Variants in CDC42BPB observed in about 807,000 individuals in gnomAD.
CDC42BPB encodes the protein serine/threonine-protein kinase MRCK beta.
Under a neutral mutation model 214.9 loss-of-function variants are expected in CDC42BPB, and 37 were observed. That is an observed-to-expected ratio of 0.17 (90% CI 0.13 to 0.23). CDC42BPB has a LOEUF of 0.23. Ranked by LOEUF, CDC42BPB falls within the 10% of genes least tolerant of loss-of-function variation. CDC42BPB has a pLI of 1.00. For missense variants in CDC42BPB, 1,694 were observed against 2,227.0 expected (o/e 0.76, Z 4.82); for synonymous variants, 931 against 884.0 (o/e 1.05, Z -0.94).
At chr14:102,988,244 G>A (rs1336505712) in intron 5 of CDC42BPB, among the ~76,000 whole-genome samples, 1 of 151,968 alleles carries the variant, frequency 6.6e-6, no homozygotes, top group Admixed American at 6.6e-5. Flanking sequence ...AGGCTAAAGT[G>A]GGAGACAGGC....
intron 5 of CDC42BPB, among the ~76,000 whole-genome samples, chr14:102,995,341 A>T (rs771325541): frequency 6.6e-6 from 1 of 152,030 alleles, no homozygotes; most frequent in East Asian, 1.9e-4. Flanking sequence ...AGCCTGGCTA[A>T]TTTTTTGTAT....
rs1427207734 is a variant in CDC42BPB, at chr14:102,978,219, T to C, written c.1141-14A>G. On this transcript the variant is annotated splice_polypyrimidine_tract_variant and intron_variant, in intron 8 of 36. Transcript: ENST00000361246. ...AGGTAATATTTCCTGCATAAGAACATATACAACACAAATGAAATCTACATT... is the reference window on the plus strand; with the variant it reads ...AGGTAATATTTCCTGCATAAGAACACATACAACACAAATGAAATCTACATT... 5 of 1,608,990 alleles carry C rather than the reference T, an allele frequency of 3.1e-6. No homozygotes were observed. Among genetic ancestry groups the C allele is most frequent in the African/African-American group, 1.3e-5 (1 of 74,808 alleles).
In CDC42BPB at chr14:102,940,220, G is replaced by A. The variant is rs777228421; in HGVS notation, c.4506+7C>T. 10 of 1,604,348 alleles carry A rather than the reference G, an allele frequency of 6.2e-6. No homozygotes were observed. The highest frequency in any genetic ancestry group is 5.2e-5 in the Admixed American group (3 of 58,108). ...GCCCGCACAGGAGGGCACCGAGGCCGCCTTACCCTCCGCAGGCCGATGGTC... is the reference window on the plus strand; with the variant it reads ...GCCCGCACAGGAGGGCACCGAGGCCACCTTACCCTCCGCAGGCCGATGGTC... On this transcript the variant is annotated splice_region_variant and intron_variant, in intron 31 of 36. Coordinates refer to ENST00000361246, the MANE Select transcript of CDC42BPB (RefSeq NM_006035.4).
chr14:103,010,797 T>C (rs1026920443), intron 2 of CDC42BPB, among the ~76,000 whole-genome samples: 1 of 152,156 alleles, frequency 6.6e-6, no homozygotes, highest in Non-Finnish European at 1.5e-5. Flanking sequence ...TTTGGGAGGC[T>C]GAGATGGGCG....
At chr14:103,055,904 C>A (rs1888920591) in intron 1 of CDC42BPB, among the ~76,000 whole-genome samples, 1 of 152,200 alleles carries the variant, frequency 6.6e-6, no homozygotes, top group African/African-American at 2.4e-5. Flanking sequence ...AGTCCTAGCC[C>A]AGTGACGCAA....
At chr14:103,010,475 A>AG (rs1051198599) in intron 2 of CDC42BPB, among the ~76,000 whole-genome samples, 3 of 152,092 alleles carry the variant, frequency 2.0e-5, no homozygotes, top group Non-Finnish European at 4.4e-5. Context: ...GTGCTGCGAG[A>AG]GGGGGGCTAT....
chr14:102,938,063 G>A lies in CDC42BPB; in HGVS notation c.5004+41C>T. Reference sequence around the variant, plus strand: ...TTCGGGCTGCTTTTCCTCCTGCAGTGGTGGCTCATAGCCTCAGCACTGGAC... The same window carrying A: ...TTCGGGCTGCTTTTCCTCCTGCAGTAGTGGCTCATAGCCTCAGCACTGGAC... On this transcript the variant is annotated intron_variant, in intron 36 of 36. Transcript: ENST00000361246. The A allele has an allele frequency of 1.9e-6, 3 of 1,600,196 alleles. No homozygotes were observed. In the South Asian group the frequency reaches 3.3e-5, roughly 18 times the overall value.
At chr14:102,985,255 G>A (rs898901534) in intron 6 of CDC42BPB, among the ~76,000 whole-genome samples, 2 of 150,144 alleles carry the variant, frequency 1.3e-5, no homozygotes, top group Non-Finnish European at 3.0e-5. Flanking sequence ...GTGGAGGTGA[G>A]GAGGGTAACC....
intron 34 of CDC42BPB, among the ~76,000 whole-genome samples, chr14:102,939,092 A>C (rs1326704546): frequency 2.0e-5 from 3 of 151,794 alleles, no homozygotes; most frequent in Admixed American, 1.3e-4. Context: ...ACCTGCCGCC[A>C]CACCCAGCTA....
At chr14:102,953,927 A>G (rs748728127) in intron 23 of CDC42BPB, among the ~76,000 whole-genome samples, 5 of 152,200 alleles carry the variant, frequency 3.3e-5, no homozygotes, top group Non-Finnish European at 7.3e-5. Context: ...GGAATGAGAG[A>G]AGGAGAGTGG....
chr14:102,992,586 T>A (rs2139565961), intron 5 of CDC42BPB, among the ~76,000 whole-genome samples: 1 of 152,218 alleles, frequency 6.6e-6, no homozygotes, highest in Middle Eastern at 3.4e-3. Context: ...CGTCACACGC[T>A]GCAATAACCT....
intron 5 of CDC42BPB, 105 bp from the exon 6 acceptor site, chr14:102,986,685 T>C: frequency 1.4e-6 from 2 of 1,471,788 alleles, no homozygotes; most frequent in Non-Finnish European, 9.0e-7. Flanking sequence ...TAATATCCTC[T>C]TGTGAACAGC....
intron 36 of CDC42BPB, among the ~76,000 whole-genome samples, chr14:102,934,468 A>G (rs955859731): frequency 6.6e-6 from 1 of 152,112 alleles, no homozygotes; most frequent in African/African-American, 2.4e-5. Flanking sequence ...CGGGAGGCGG[A>G]GCTTGCAGTG....
rs535636475 is a variant in CDC42BPB at position 102,943,778 on chromosome 14, C to G, written c.4408+113G>C. 8.3e-4 allele frequency: 773 copies of G among 932,308 alleles called. 6 individuals are homozygous for G. The African/African-American group carries it at 0.011, about 14-fold the overall frequency. 57.8% of individuals were successfully genotyped at this position (932,308 alleles called of 1,614,324 possible). On this transcript the variant is annotated intron_variant, in intron 30 of 36. Coordinates refer to ENST00000361246, the MANE Select transcript of CDC42BPB (RefSeq NM_006035.4). This position sits in a 1 kb window ranked among gnomAD's most constrained non-coding sequence, Gnocchi z 4.6. ...CATGGGGCCCACCTCTCCCGATGCT[C>G]TGTGACTACTCAACTAAGGGACTGG...
chr14:103,008,472 C>T lies in CDC42BPB; in HGVS notation c.351G>A (p.Glu117=), dbSNP rs748539078. 9 of 1,593,366 alleles carry T rather than the reference C, an allele frequency of 5.6e-6. No homozygotes were observed. The highest frequency in any genetic ancestry group is 6.9e-6 in the Non-Finnish European group (8 of 1,161,034). ...LNKWEMLKRA[E]TACFREERDV... The stretch of plus-strand genomic sequence containing the variant: ...ATGGCTTTTCAAGCTCCATACTTAC[C>T]TCTGCTCTTTTCAGCATCTCCCACT... Residue 117 remains glutamate, a splice_region_variant and synonymous_variant, in exon 3 of 37, where the codon GAG becomes GAA. Coordinates refer to ENST00000361246, the MANE Select transcript of CDC42BPB (RefSeq NM_006035.4).
At chr14:103,007,812 G>A (rs1355616194) in intron 3 of CDC42BPB, among the ~76,000 whole-genome samples, 1 of 152,110 alleles carries the variant, frequency 6.6e-6, no homozygotes, top group Non-Finnish European at 1.5e-5. Flanking sequence ...AGGTCAACTG[G>A]CCAGGAAGGG....
At chr14:102,963,257 C>G in intron 19 of CDC42BPB, 102 bp from the exon 20 acceptor site, 1 of 1,482,108 alleles carries the variant, frequency 6.7e-7, no homozygotes, top group East Asian at 2.4e-5. Flanking sequence ...CTCCCCAGCA[C>G]TCAGGACTGT....
At chr14:102,965,925 C>CT (rs1261824781) in intron 18 of CDC42BPB, among the ~76,000 whole-genome samples, 1 of 152,216 alleles carries the variant, frequency 6.6e-6, no homozygotes, top group Non-Finnish European at 1.5e-5. Context: ...CCACTGCACT[C>CT]TAGCCTGGGC....
chr14:102,981,749 C>T (rs1046417200), intron 7 of CDC42BPB, among the ~76,000 whole-genome samples: 7 of 152,270 alleles, frequency 4.6e-5, no homozygotes, highest in South Asian at 2.1e-4. Context: ...TGCACTCCAG[C>T]CTGGGTGACA....
Sources: gnomAD v4.1 joint callset for allele counts (sites outside exome capture counted in the v4.1 genomes callset) on GRCh38, gnomAD v4.1.1 for gene constraint, Gnocchi (gnomAD v3.1) non-coding constraint, MANE v1.5 for transcripts, NCBI Gene and HGNC (gene_info 2026-07-23, HGNC 2026-07-21) for gene names.